Variants in NFS1 observed in about 807,000 individuals in gnomAD.
NFS1 encodes the protein cysteine desulfurase.
Under a neutral mutation model 57.3 loss-of-function variants are expected in NFS1, and 26 were observed. The ratio of observed to expected loss-of-function variants is 0.45; its 90% confidence interval spans 0.33 to 0.63. The LOEUF is 0.63. Among genes scored for constraint, NFS1 ranks in the 20% least tolerant of loss-of-function variants. NFS1 has a pLI of 0.02. For missense variants in NFS1, 505 were observed against 605.8 expected, an observed-to-expected ratio of 0.83 and a Z score of 1.75; for synonymous variants, 209 against 216.3, an observed-to-expected ratio of 0.97 and a Z score of 0.30.
Position 35,699,175 on chromosome 20 carries a change from GC to G in NFS1, c.97+16del. On this transcript the variant is annotated intron_variant, in intron 1 of 12. Coordinates refer to ENST00000374092, the MANE Select transcript of NFS1 (RefSeq NM_021100.5). This position sits in a 1 kb window ranked among gnomAD's most constrained non-coding sequence, Gnocchi z 4.4. ...GGGACAGGTCCGCGCCTCCCGGAGAGCGGGACCCGAGCGTACCGCGCAGGCG... is the reference window on the plus strand; with the variant it reads ...GGGACAGGTCCGCGCCTCCCGGAGAGGGGACCCGAGCGTACCGCGCAGGCG... 2.9e-6 allele frequency: 4 copies of G among 1,392,270 alleles called. No individual in the cohort carries two copies. Among genetic ancestry groups the G allele is most frequent in the Non-Finnish European group, 3.7e-6 (4 of 1,082,920 alleles). 86.2% of individuals were successfully genotyped at this position (1,392,270 alleles called of 1,614,324 possible).
At chr20:35,678,104 C>A (rs892969934) in intron 7 of NFS1, among the ~76,000 whole-genome samples, 3 of 151,708 alleles carry the variant, frequency 2.0e-5, no homozygotes, top group Non-Finnish European at 4.4e-5. Flanking sequence ...ATTCCCAGCA[C>A]CTTGGGAGGC....
chr20:35,684,610 C>T (rs1377619582), intron 5 of NFS1, among the ~76,000 whole-genome samples: 1 of 150,550 alleles, frequency 6.6e-6, no homozygotes, highest in Non-Finnish European at 1.5e-5. Context: ...ATCAGTGGAG[C>T]ATGGTGGCAG....
intron 11 of NFS1, 37 bp downstream of exon 11, chr20:35,673,564 G>A (rs200165035): frequency 1.9e-6 from 3 of 1,543,228 alleles, no homozygotes; most frequent in African/African-American, 2.7e-5. Context: ...AATATAAGAG[G>A]ATGCCTTTCA....
intron 1 of NFS1, 127 bp from the exon 2 acceptor site, chr20:35,698,717 T>G (rs1406536593): frequency 4.9e-6 from 7 of 1,422,024 alleles, no homozygotes; most frequent in Non-Finnish European, 6.4e-6. Context: ...GGGTCGAATC[T>G]CAATGGAAAG....
intron 4 of NFS1, among the ~76,000 whole-genome samples, chr20:35,694,326 G>A (rs953099178): frequency 1.3e-5 from 2 of 151,990 alleles, no homozygotes; most frequent in African/African-American, 2.4e-5. Context: ...TGCATTTTTA[G>A]TAGAGACGGG....
intron 4 of NFS1, chr20:35,694,509 G>A (rs1435842576): frequency 2.0e-5 from 3 of 151,984 alleles, no homozygotes. Flanking sequence ...AACCATATAG[G>A]ACAAAATTAT....
chr20:35,698,476 C>T lies in NFS1; in HGVS notation c.207+5G>A, dbSNP rs762043426. 9 of 1,596,216 alleles carry T rather than the reference C, an allele frequency of 5.6e-6. No homozygotes were observed. Among genetic ancestry groups the T allele is most frequent in the South Asian group, 2.2e-5 (2 of 89,078 alleles). ...AAGCAGCCTTGGGAAAAGCTTCATCCTTACCAGAGGAGTTGTAGCTTGCAC... is the reference window on the plus strand; with the variant it reads ...AAGCAGCCTTGGGAAAAGCTTCATCTTTACCAGAGGAGTTGTAGCTTGCAC... On this transcript the variant is annotated splice_donor_5th_base_variant and intron_variant, in intron 2 of 12. Transcript: ENST00000374092.
At chr20:35,696,522 C>G in intron 3 of NFS1, 62 bp from the exon 4 acceptor site, 4 of 1,311,696 alleles carry the variant, frequency 3.0e-6, no homozygotes, top group Non-Finnish European at 4.4e-6. Flanking sequence ...GAGCTGCAGA[C>G]ACAGGTGGGA....
intron 12 of NFS1, among the ~76,000 whole-genome samples, chr20:35,671,848 CCACT>C (rs2034660897): frequency 6.6e-6 from 1 of 151,594 alleles, no homozygotes; most frequent in Admixed American, 6.6e-5. Flanking sequence ...TGTGATTGTG[CCACT>C]GCACTCCAGC....
At chr20:35,672,728 A>C (rs1189994012) in intron 12 of NFS1, 27 bp downstream of exon 12, 1 of 1,517,100 alleles carries the variant, frequency 6.6e-7, no homozygotes, top group Non-Finnish European at 9.2e-7. Flanking sequence ...AGTTTCTTCC[A>C]AAGCGTCTCT....
At position 35,696,371 on chromosome 20, in the gene NFS1, T is replaced by G. The variant is rs776200913; in HGVS notation, c.408+6A>C. ...CCACATACACCCTCTGGTTCCCTTCTCTTACCTTAATTGCTATGTTGTTGG... is the reference window on the plus strand; with the variant it reads ...CCACATACACCCTCTGGTTCCCTTCGCTTACCTTAATTGCTATGTTGTTGG... On this transcript the variant is annotated splice_donor_region_variant and intron_variant, in intron 4 of 12. Transcript: ENST00000374092. 1.1e-5 allele frequency: 18 copies of G among 1,605,816 alleles called. No homozygotes were observed. The highest frequency in any genetic ancestry group is 1.4e-5 in the Non-Finnish European group (16 of 1,172,486).
intron 7 of NFS1, among the ~76,000 whole-genome samples, chr20:35,679,539 G>A (rs1165822045): frequency 6.6e-6 from 1 of 152,054 alleles, no homozygotes; most frequent in Non-Finnish European, 1.5e-5. Flanking sequence ...GAAGAATGGG[G>A]TATCCAGCCT....
chr20:35,691,949 G>A (rs1309918123), intron 4 of NFS1, among the ~76,000 whole-genome samples: 3 of 151,806 alleles, frequency 2.0e-5, no homozygotes, highest in Non-Finnish European at 4.4e-5. Context: ...TTGGGAGGCC[G>A]AGAAGGGAGG....
intron 5 of NFS1, among the ~76,000 whole-genome samples, chr20:35,687,993 C>T (rs2034974609): frequency 6.6e-6 from 1 of 152,202 alleles, no homozygotes; most frequent in Non-Finnish European, 1.5e-5. Flanking sequence ...TCTATAATCT[C>T]AGCACTTTGG....
chr20:35,681,804 C>T, intron 6 of NFS1, 84 bp downstream of exon 6: 1 of 750,018 alleles, frequency 1.3e-6, no homozygotes, highest in Non-Finnish European at 2.4e-6. Context: ...TAACTACACT[C>T]CATAGAGTAT....
At chr20:35,680,667 C>G in intron 7 of NFS1, 70 bp downstream of exon 7, 2 of 1,320,638 alleles carry the variant, frequency 1.5e-6, no homozygotes, top group Middle Eastern at 2.0e-4. Flanking sequence ...TCCCAAATGA[C>G]TGTGACAAAC....
intron 5 of NFS1, among the ~76,000 whole-genome samples, chr20:35,687,761 A>G (rs549731603): frequency 2.9e-4 from 44 of 152,308 alleles, no homozygotes; most frequent in Non-Finnish European, 5.1e-4. Flanking sequence ...AACAGAGATT[A>G]AAGTCCAGAG....
At chr20:35,678,674 G>T (rs914255300) in intron 7 of NFS1, among the ~76,000 whole-genome samples, 1 of 152,060 alleles carries the variant, frequency 6.6e-6, no homozygotes, top group African/African-American at 2.4e-5. Context: ...CTGCACTCCA[G>T]CCTGGGCGTC....
chr20:35,674,396 C>T lies in NFS1; in HGVS notation c.1090G>A (p.Glu364Lys). ...TCCTTCAGTGCCATCAGCAGACTTTCCCCTTCCACATATGCAAAGGAGAGG... is the reference window on the plus strand; with the variant it reads ...TCCTTCAGTGCCATCAGCAGACTTTTCCCTTCCACATATGCAAAGGAGAGG... ...INLSFAYVEG[E>K]SLLMALKDVA... The change falls in exon 10 of 13, where the codon GAA (glutamate) becomes AAA (lysine). Residue 364 changes from glutamate (E) to lysine (K), a missense_variant. By Grantham distance (56) the Glu-to-Lys change is moderately conservative (BLOSUM62 1). Coordinates refer to ENST00000374092, the MANE Select transcript of NFS1 (RefSeq NM_021100.5). 1 of 1,614,100 alleles carries T rather than the reference C, an allele frequency of 6.2e-7. No homozygotes were observed. Among genetic ancestry groups the T allele is most frequent in the Non-Finnish European group, 8.5e-7 (1 of 1,179,988 alleles).
Sources: allele counts gnomAD v4.1 joint callset (sites outside exome capture counted in the v4.1 genomes callset), GRCh38; gene constraint gnomAD v4.1.1; non-coding constraint Gnocchi (gnomAD v3.1); transcripts MANE v1.5; gene names NCBI Gene and HGNC (gene_info 2026-07-23, HGNC 2026-07-21).